Variants in BMPER observed in about 807,000 individuals in gnomAD.
BMPER encodes BMP binding endothelial regulator, also known as BMP-binding endothelial regulator protein.
Under a neutral mutation model 87.3 loss-of-function variants are expected in BMPER, and 45 were observed. That is an observed-to-expected ratio of 0.52 (90% CI 0.41 to 0.66). The LOEUF is 0.66. Ranked by LOEUF, BMPER falls within the 30% of genes least tolerant of loss-of-function variation. The pLI is 0.00. For missense variants in BMPER, 784 were observed against 867.5 expected, an observed-to-expected ratio of 0.90 and a Z score of 1.21; for synonymous variants, 326 against 316.2, an observed-to-expected ratio of 1.03 and a Z score of -0.33.
chr7:33,967,573 G>A (rs1272252765), intron 4 of BMPER, among the ~76,000 whole-genome samples: 1 of 152,160 alleles, frequency 6.6e-6, no homozygotes, highest in Non-Finnish European at 1.5e-5. Flanking sequence ...TAAGCAGTAG[G>A]TAAACACATA....
At chr7:34,024,241 C>T (rs1230026103) in intron 6 of BMPER, among the ~76,000 whole-genome samples, 2 of 148,108 alleles carry the variant, frequency 1.4e-5, no homozygotes, top group African/African-American at 5.0e-5. Context: ...GCCTGTAATC[C>T]CAGCTACTGG....
intron 2 of BMPER, 130 bp from the exon 3 acceptor site, chr7:33,937,159 C>T: frequency 4.4e-6 from 4 of 907,068 alleles, no homozygotes; most frequent in Non-Finnish European, 7.1e-6. Context: ...ATCCTATTTG[C>T]TCTCACAGCG....
intron 2 of BMPER, among the ~76,000 whole-genome samples, chr7:33,915,635 G>A (rs1784073798): frequency 6.6e-6 from 1 of 152,124 alleles, no homozygotes; most frequent in Non-Finnish European, 1.5e-5. Context: ...AAGTCTCAGT[G>A]GTATATGCCC....
intron 6 of BMPER, among the ~76,000 whole-genome samples, chr7:34,010,879 C>T (rs1786857044): frequency 6.6e-6 from 1 of 151,814 alleles, no homozygotes; most frequent in African/African-American, 2.4e-5. Context: ...TGTTAATTGA[C>T]ATATATTCAG....
intron 6 of BMPER, among the ~76,000 whole-genome samples, chr7:33,997,456 T>G (rs536452177): frequency 6.6e-6 from 1 of 152,162 alleles, no homozygotes; most frequent in Admixed American, 6.5e-5. Flanking sequence ...TTACAAGACC[T>G]GGTTGTTCGA....
intron 7 of BMPER, among the ~76,000 whole-genome samples, chr7:34,048,669 A>G (rs1320066417): frequency 2.0e-5 from 3 of 152,198 alleles, no homozygotes; most frequent in Non-Finnish European, 4.4e-5. Context: ...TCAACTCAGA[A>G]GCTTCCCATA....
intron 11 of BMPER, among the ~76,000 whole-genome samples, chr7:34,071,227 C>T (rs918570323): frequency 5.3e-5 from 8 of 152,150 alleles, no homozygotes; most frequent in African/African-American, 1.9e-4. Flanking sequence ...TTTTAGCCAG[C>T]ACTAGATAAC....
At chr7:34,025,097 T>A (rs530633170) in intron 6 of BMPER, among the ~76,000 whole-genome samples, 4 of 152,184 alleles carry the variant, frequency 2.6e-5, no homozygotes, top group African/African-American at 7.2e-5. Context: ...TCACGCAAAT[T>A]GTTTGTATGT....
At chr7:34,092,447 C>G (rs1361199327) in intron 13 of BMPER, among the ~76,000 whole-genome samples, 1 of 152,180 alleles carries the variant, frequency 6.6e-6, no homozygotes, top group Non-Finnish European at 1.5e-5. Flanking sequence ...CTGAGGTCCT[C>G]AAACTAGCCT....
At position 34,055,156 on chromosome 7, in the gene BMPER, C is replaced by G. The variant is rs775187113; in HGVS notation, c.787-7C>G. 1.2e-6 allele frequency: 2 copies of G among 1,614,056 alleles called. No individual in the cohort carries two copies. The highest frequency in any genetic ancestry group is 2.2e-5 in the East Asian group (1 of 44,850). On this transcript the variant is annotated splice_region_variant and splice_polypyrimidine_tract_variant and intron_variant, in intron 8 of 14. Coordinates refer to ENST00000649409, the MANE Select transcript of BMPER (RefSeq NM_001365308.1). ...TTTTAATTTCTATTTTGCCTTTGGG[C>G]CCCCAGGACTCTACTGTGGTTTGCA...
At chr7:34,112,232 C>T (rs191632619) in intron 13 of BMPER, among the ~76,000 whole-genome samples, 98 of 152,132 alleles carry the variant, frequency 6.4e-4, no homozygotes, top group African/African-American at 2.1e-3. Flanking sequence ...CGGTGGCTCA[C>T]ACCTGTAATC....
chr7:34,113,695 G>T (rs900842132), intron 13 of BMPER, among the ~76,000 whole-genome samples: 1 of 152,034 alleles, frequency 6.6e-6, no homozygotes, highest in Non-Finnish European at 1.5e-5. Flanking sequence ...CACAGGCTTT[G>T]TATATCTATT....
chr7:34,125,918 G>T (rs544026574), intron 13 of BMPER, among the ~76,000 whole-genome samples: 1 of 152,294 alleles, frequency 6.6e-6, no homozygotes, highest in East Asian at 1.9e-4. Context: ...ATGGGAGTGG[G>T]AGCATTTGCC....
chr7:34,088,462 T>G (rs1192694392), intron 13 of BMPER, among the ~76,000 whole-genome samples: 1 of 152,186 alleles, frequency 6.6e-6, no homozygotes, highest in Non-Finnish European at 1.5e-5. Flanking sequence ...TGGAAAGATA[T>G]TCTCTTCTCA....
chr7:33,909,522 T>C (rs1783902429), intron 2 of BMPER, among the ~76,000 whole-genome samples: 1 of 151,916 alleles, frequency 6.6e-6, no homozygotes, highest in Non-Finnish European at 1.5e-5. Context: ...GCGTTAGTGG[T>C]TAGCTGGTTT....
chr7:33,950,351 G>A (rs1030081956), intron 3 of BMPER, among the ~76,000 whole-genome samples: 5 of 152,266 alleles, frequency 3.3e-5, no homozygotes, highest in Admixed American at 2.0e-4. Context: ...GATGGCCAGC[G>A]TACTAGTTTT....
At chr7:33,917,657 C>T (rs1364210282) in intron 2 of BMPER, among the ~76,000 whole-genome samples, 3 of 152,076 alleles carry the variant, frequency 2.0e-5, no homozygotes, top group Non-Finnish European at 4.4e-5. Flanking sequence ...AGAGTCACTT[C>T]AAAGAGAAGG....
At chr7:34,037,645 A>C (rs1787716176) in intron 6 of BMPER, among the ~76,000 whole-genome samples, 1 of 152,220 alleles carries the variant, frequency 6.6e-6, no homozygotes, top group African/African-American at 2.4e-5. Context: ...GCTGGCCAGC[A>C]AGACTGGCAT....
At position 33,986,928 on chromosome 7, in the gene BMPER, T is replaced by C. The variant is rs568866077; in HGVS notation, c.576+12144T>C. On this transcript the variant is annotated intron_variant, in intron 6 of 14. Coordinates refer to ENST00000649409, the MANE Select transcript of BMPER (RefSeq NM_001365308.1). Reference sequence around the variant, plus strand: ...CGGCTTTCCCTGCTCCTTTGTTTGTTTGTGCTTCGTGGCTCCCCTCCCCTC... The same window carrying C: ...CGGCTTTCCCTGCTCCTTTGTTTGTCTGTGCTTCGTGGCTCCCCTCCCCTC... Among the ~76,000 whole-genome samples, 3 of 152,172 alleles carry C rather than the reference T, an allele frequency of 2.0e-5. No individual in the cohort carries two copies. The East Asian group carries it at 5.8e-4, about 29-fold the overall frequency.
Sources: allele counts gnomAD v4.1 joint callset (sites outside exome capture counted in the v4.1 genomes callset), GRCh38; gene constraint gnomAD v4.1.1; transcripts MANE v1.5; gene names NCBI Gene and HGNC (gene_info 2026-07-23, HGNC 2026-07-21).